The following GALNT13 variants were observed in gnomAD, a reference collection of about 807,000 sequenced individuals.
GALNT13 encodes UDP-GalNAc:polypeptide N-acetylgalactosaminyltransferase 13.
Under a neutral mutation model 64.2 loss-of-function variants are expected in GALNT13, and 28 were observed. The ratio of observed to expected loss-of-function variants is 0.44; its 90% CI spans 0.32 to 0.60. The LOEUF is 0.60. Ranked by LOEUF, GALNT13 falls within the 20% of genes least tolerant of loss-of-function variation. GALNT13 has a pLI of 0.05. For synonymous variants in GALNT13, 214 were observed against 224.6 expected (o/e 0.95, Z 0.42); for missense variants, 577 against 669.8 (o/e 0.86, Z 1.53).
the GALNT13 span, among the ~76,000 whole-genome samples, chr2:153,179,695 C>G: frequency 6.6e-6 from 1 of 152,024 alleles, no homozygotes; most frequent in Non-Finnish European, 1.5e-5. Flanking sequence ...CACGAGGTAT[C>G]TTTCCATTTG....
chr2:153,685,146 G>A, the GALNT13 span, among the ~76,000 whole-genome samples: 1 of 151,840 alleles, frequency 6.6e-6, no homozygotes, highest in Admixed American at 6.6e-5. Flanking sequence ...ATAGTAGAAT[G>A]ATTTATATTC....
intron 5 of GALNT13, 136 bp downstream of exon 5, chr2:154,242,332 T>G (rs1227157173): frequency 1.4e-6 from 1 of 707,652 alleles, no homozygotes; most frequent in Non-Finnish European, 2.3e-6. Flanking sequence ...TTACTAGCCC[T>G]GCCACAGCCT....
chr2:153,796,348 A>C, the GALNT13 span, among the ~76,000 whole-genome samples: 1 of 152,326 alleles, frequency 6.6e-6, no homozygotes, highest in African/African-American at 2.4e-5. Flanking sequence ...AACATGCGAA[A>C]GGTGACCTGT....
intron 3 of GALNT13, among the ~76,000 whole-genome samples, chr2:154,029,313 T>C (rs889978255): frequency 1.3e-5 from 2 of 151,398 alleles, no homozygotes; most frequent in Admixed American, 6.6e-5. Flanking sequence ...CTTCTCCCCT[T>C]CCCCCTACAG....
chr2:154,142,121 C>A (rs1373104467), intron 4 of GALNT13, among the ~76,000 whole-genome samples: 1 of 152,136 alleles, frequency 6.6e-6, no homozygotes, highest in Non-Finnish European at 1.5e-5. Flanking sequence ...AGTGATTTTT[C>A]TCTACATGCA....
At chr2:153,380,993 C>A in the GALNT13 span, among the ~76,000 whole-genome samples, 1 of 151,968 alleles carries the variant, frequency 6.6e-6, no homozygotes, top group Admixed American at 6.6e-5. Flanking sequence ...GGCTGGAGTG[C>A]AGTGGTGCAG....
the GALNT13 span, among the ~76,000 whole-genome samples, chr2:153,707,869 T>C: frequency 1.3e-5 from 2 of 152,108 alleles, no homozygotes; most frequent in Admixed American, 1.3e-4. Context: ...CTGAGTGTAG[T>C]TCCAGAAGGC....
intron 3 of GALNT13, among the ~76,000 whole-genome samples, chr2:154,041,847 A>G (rs987613303): frequency 1.4e-5 from 2 of 140,522 alleles, no homozygotes; most frequent in African/African-American, 4.9e-5. Context: ...ATTTACAAGT[A>G]TAGATTTTAC....
chr2:153,653,797 G>A, the GALNT13 span, among the ~76,000 whole-genome samples: 6 of 152,088 alleles, frequency 3.9e-5, no homozygotes, highest in Admixed American at 3.3e-4. Context: ...TATCTTATAT[G>A]AATATATTTT....
intron 3 of GALNT13, among the ~76,000 whole-genome samples, chr2:154,133,735 G>A (rs958627011): frequency 6.6e-6 from 1 of 151,500 alleles, no homozygotes; most frequent in African/African-American, 2.4e-5. Flanking sequence ...ACTGGGATGA[G>A]CCAAAATTGA....
chr2:153,846,901 A>G, the GALNT13 span, among the ~76,000 whole-genome samples: 1 of 152,134 alleles, frequency 6.6e-6, no homozygotes, highest in African/African-American at 2.4e-5. Flanking sequence ...AGAATCAGAT[A>G]ACCTGAAGAG....
the GALNT13 span, among the ~76,000 whole-genome samples, chr2:153,214,652 C>T: frequency 6.6e-5 from 10 of 152,098 alleles, no homozygotes; most frequent in Non-Finnish European, 1.5e-4. Context: ...TTTCAAGTAA[C>T]TGGGACTTAA....
In GALNT13 at chr2:154,209,115, T is replaced by TAAA. The variant is rs140894644; in HGVS notation, c.312-32908_312-32906dup. On this transcript the variant is annotated intron_variant, in intron 4 of 12. Transcript: ENST00000392825. ...AAAACAGGAAGAATTATATTTTTCTTAAAAAAAAAGGTGTTTGTTAAAGTT... is the reference window on the plus strand; with the variant it reads ...AAAACAGGAAGAATTATATTTTTCTTAAAAAAAAAAAAGGTGTTTGTTAAAGTT... Among the ~76,000 whole-genome samples, 258 of 150,786 alleles carry TAAA rather than the reference T, an allele frequency of 1.7e-3. 1 individual carries two copies. Among genetic ancestry groups the TAAA allele is most frequent in the Middle Eastern group, 0.01 (3 of 292 alleles).
chr2:153,711,394 G>A, the GALNT13 span, among the ~76,000 whole-genome samples: 2 of 152,100 alleles, frequency 1.3e-5, no homozygotes, highest in African/African-American at 2.4e-5. Flanking sequence ...AAAAGCTACT[G>A]TATACTGCAT....
chr2:154,382,845 A>G (rs1698338138), intron 9 of GALNT13, among the ~76,000 whole-genome samples: 2 of 151,316 alleles, frequency 1.3e-5, no homozygotes, highest in Non-Finnish European at 1.5e-5. Flanking sequence ...TAACTGAGAG[A>G]CTGTGGTTAT....
At chr2:153,567,857 T>G in the GALNT13 span, among the ~76,000 whole-genome samples, 3 of 152,222 alleles carry the variant, frequency 2.0e-5, no homozygotes, top group Non-Finnish European at 4.4e-5. Flanking sequence ...CTGAATTCCT[T>G]GATAGAATAT....
At chr2:153,284,026 G>A in the GALNT13 span, among the ~76,000 whole-genome samples, 1 of 152,164 alleles carries the variant, frequency 6.6e-6, no homozygotes. Flanking sequence ...AGATCTGCCT[G>A]GGCGTGGAGC....
chr2:154,019,999 T>G (rs1423229621), intron 3 of GALNT13, among the ~76,000 whole-genome samples: 3 of 152,134 alleles, frequency 2.0e-5, no homozygotes, highest in African/African-American at 7.2e-5. Context: ...ATGGTTTCCA[T>G]TTTCATCCAT....
chr2:154,209,450 A>G (rs546635519), intron 4 of GALNT13, among the ~76,000 whole-genome samples: 5 of 152,302 alleles, frequency 3.3e-5, no homozygotes, highest in African/African-American at 7.2e-5. Context: ...GACTGAATCT[A>G]TAAATTAGGA....
Sources: gnomAD v4.1 joint callset for allele counts (sites outside exome capture counted in the v4.1 genomes callset) on GRCh38, gnomAD v4.1.1 for gene constraint, MANE v1.5 for transcripts, NCBI Gene and HGNC (gene_info 2026-07-23, HGNC 2026-07-21) for gene names.